Variants in CNOT4 observed in about 807,000 individuals in gnomAD.
The protein encoded by CNOT4 is CCR4-NOT transcription complex subunit 4.
A neutral mutation model predicts 73.8 loss-of-function variants in CNOT4; 8 were observed. The ratio of observed to expected loss-of-function variants is 0.11; its 90% CI spans 0.06 to 0.20. The LOEUF (loss-of-function observed/expected upper bound fraction) is 0.20. Ranked by LOEUF, CNOT4 falls within the 10% of genes least tolerant of loss-of-function variation. The pLI is 1.00. For synonymous variants in CNOT4, 293 were observed against 321.1 expected (o/e 0.91, Z 0.94); for missense variants, 564 against 883.4 (o/e 0.64, Z 4.58).
intron 9 of CNOT4, 146 bp downstream of exon 9, chr7:135,395,488 T>A: frequency 1.1e-6 from 1 of 879,188 alleles, no homozygotes; most frequent in Non-Finnish European, 1.8e-6. Flanking sequence ...AACCACCTAA[T>A]TCCATGTAGT....
In CNOT4 at chr7:135,422,088, A is replaced by C. The variant is rs946153811; in HGVS notation, c.372+68T>G. ...GGAATCACACAATTGAGCAGGGTCA[A>C]ATATTATTTCCAAGTAAGACAAGGA... is the stretch of plus-strand genomic sequence containing the variant. On this transcript the variant is annotated intron_variant, in intron 3 of 11. Transcript: ENST00000541284. 1.4e-5 allele frequency: 13 copies of C among 906,862 alleles called. No homozygotes were observed. The African/African-American group carries it at 1.7e-4, about 12-fold the overall frequency. 56.2% of individuals were successfully genotyped at this position (906,862 alleles called of 1,614,324 possible).
intron 1 of CNOT4, among the ~76,000 whole-genome samples, chr7:135,491,662 T>C (rs1323505396): frequency 2.0e-5 from 3 of 152,152 alleles, no homozygotes. Flanking sequence ...ATTTAGACAA[T>C]GCTTTAAGGG....
intron 10 of CNOT4, chr7:135,387,899 G>T: frequency 4.2e-6 from 4 of 962,932 alleles, no homozygotes; most frequent in Non-Finnish European, 4.9e-6. Flanking sequence ...TTCTGGTCAG[G>T]TACTTATAAT....
chr7:135,373,338 T>C (rs1201642685), intron 10 of CNOT4, among the ~76,000 whole-genome samples: 3 of 152,238 alleles, frequency 2.0e-5, no homozygotes. Context: ...GGTAAGAGCA[T>C]GATCTTCTAA....
At chr7:135,387,409 G>T in intron 10 of CNOT4, 3 of 983,402 alleles carry the variant, frequency 3.1e-6, no homozygotes, top group Non-Finnish European at 3.6e-6. Context: ...ATATCTAACA[G>T]AAAATAATCC....
rs944919757 is a variant in CNOT4, at chr7:135,363,508, C to A, written c.1841-322G>T. Among the ~76,000 whole-genome samples the A allele has an allele frequency of 2.6e-5, 4 of 152,154 alleles. No individual in the cohort carries two copies. The highest frequency in any genetic ancestry group is 9.7e-5 in the African/African-American group (4 of 41,438). The stretch of plus-strand genomic sequence containing the variant: ...CTGACAGGGATGCGTAACAAGACAG[C>A]CTTATAATAGAGAGCTTTATAACAA... On this transcript the variant is annotated intron_variant, in intron 11 of 11. Coordinates refer to ENST00000541284, the MANE Select transcript of CNOT4 (RefSeq NM_001190850.2). This position sits in a 1 kb window ranked among gnomAD's most constrained non-coding sequence, Gnocchi z 4.3.
At chr7:135,466,253 G>A (rs1313156471) in intron 1 of CNOT4, among the ~76,000 whole-genome samples, 2 of 151,810 alleles carry the variant, frequency 1.3e-5, no homozygotes, top group East Asian at 3.9e-4. Flanking sequence ...AGTCTGAGGT[G>A]GGCGGATCAT....
At chr7:135,389,117 T>C (rs1242893907) in intron 10 of CNOT4, among the ~76,000 whole-genome samples, 1 of 58,926 alleles carries the variant, frequency 1.7e-5, no homozygotes, top group Admixed American at 2.2e-4. Context: ...GTTTCAGAGA[T>C]AAGAACAAAT....
rs747257106 is a variant in CNOT4, at chr7:135,422,198, G to A, written c.330C>T (p.Leu110=). The A allele has an allele frequency of 6.2e-6, 10 of 1,612,218 alleles. No homozygotes were observed. The highest frequency in any genetic ancestry group is 3.3e-5 in the South Asian group (3 of 91,030). Residue 110 remains leucine (L), a synonymous_variant, in exon 3 of 12, where the codon CTC becomes CTT. Coordinates refer to ENST00000541284, the MANE Select transcript of CNOT4 (RefSeq NM_001190850.2). ...GCTGAGATAAACCTACAACAAAGACGAGGTTTTTTTGTACGACACGTACAC... is the reference window on the plus strand; with the variant it reads ...GCTGAGATAAACCTACAACAAAGACAAGGTTTTTTTGTACGACACGTACAC... The part of the protein sequence containing the change: ...LASVRVVQKN[L]VFVVGLSQRL...
At chr7:135,465,281 T>C (rs1206641254) in intron 1 of CNOT4, among the ~76,000 whole-genome samples, 1 of 152,202 alleles carries the variant, frequency 6.6e-6, no homozygotes, top group Non-Finnish European at 1.5e-5. Flanking sequence ...GGATCTCCCC[T>C]TGGAATCTTC....
intron 7 of CNOT4, among the ~76,000 whole-genome samples, chr7:135,408,384 C>T (rs1234720196): frequency 6.6e-6 from 1 of 151,894 alleles, no homozygotes; most frequent in Non-Finnish European, 1.5e-5. Context: ...TGTAACAAAC[C>T]AAGGTACTCT....
At chr7:135,454,349 G>A (rs1360614712) in intron 1 of CNOT4, among the ~76,000 whole-genome samples, 1 of 151,878 alleles carries the variant, frequency 6.6e-6, no homozygotes, top group Admixed American at 6.6e-5. Flanking sequence ...GTATATGTCA[G>A]AATGTTTTCA....
At chr7:135,506,846 A>C (rs1005079237) in intron 1 of CNOT4, among the ~76,000 whole-genome samples, 2 of 146,260 alleles carry the variant, frequency 1.4e-5, no homozygotes, top group Non-Finnish European at 3.1e-5. Context: ...AGACTGTCTC[A>C]AAAAAAAAAA....
chr7:135,379,198 A>G (rs1387870513), intron 10 of CNOT4, among the ~76,000 whole-genome samples: 1 of 152,222 alleles, frequency 6.6e-6, no homozygotes, highest in Non-Finnish European at 1.5e-5. Flanking sequence ...AAAGAGACTT[A>G]TAATAGTCAA....
At chr7:135,395,922 A>G in intron 8 of CNOT4, 39 bp from the exon 9 acceptor site, 1 of 1,397,352 alleles carries the variant, frequency 7.2e-7, no homozygotes, top group Middle Eastern at 1.8e-4. Flanking sequence ...CTACATGTTT[A>G]TACATTTTAA....
chr7:135,448,080 A>T (rs916479377), intron 1 of CNOT4, among the ~76,000 whole-genome samples: 1 of 152,178 alleles, frequency 6.6e-6, no homozygotes, highest in Non-Finnish European at 1.5e-5. Flanking sequence ...AAACACTGCA[A>T]GGGGGGAAAC....
At position 135,462,540 on chromosome 7, in the gene CNOT4, C is replaced by G. The variant is rs118135107; in HGVS notation, c.-92-24117G>C. On this transcript the variant is annotated intron_variant, in intron 1 of 11. Transcript: ENST00000541284. ...CGCATGTCACAAAGACCCTTACTCT[C>G]ACAGGAAACTCGATTCCTTCCTAAT... Among the ~76,000 whole-genome samples, 463 of 152,350 alleles carry G rather than the reference C, an allele frequency of 3.0e-3. 3 individuals carry two copies. Among genetic ancestry groups the G allele is most frequent in the Non-Finnish European group, 5.3e-3 (358 of 68,030 alleles).
chr7:135,433,712 AAATAAT>A (rs1429419914), intron 2 of CNOT4, among the ~76,000 whole-genome samples: 3 of 152,150 alleles, frequency 2.0e-5, no homozygotes, highest in Admixed American at 6.5e-5. Context: ...TCTGAAATAA[AAATAAT>A]AATACTTCTG....
At chr7:135,455,171 G>C (rs1040325619) in intron 1 of CNOT4, among the ~76,000 whole-genome samples, 3 of 151,980 alleles carry the variant, frequency 2.0e-5, no homozygotes, top group Admixed American at 6.6e-5. Context: ...CTACTTGGGA[G>C]GCTGAGGTGG....
Sources: allele counts gnomAD v4.1 joint callset (sites outside exome capture counted in the v4.1 genomes callset), GRCh38; gene constraint gnomAD v4.1.1; non-coding constraint Gnocchi (gnomAD v3.1); transcripts MANE v1.5; gene names NCBI Gene and HGNC (gene_info 2026-07-23, HGNC 2026-07-21).